PIK3C2G: variants seen among roughly 807,000 people sequenced by gnomAD.
PIK3C2G encodes phosphatidylinositol-4-phosphate 3-kinase catalytic subunit type 2 gamma.
A neutral mutation model predicts 181.1 loss-of-function variants in PIK3C2G; 168 were observed. The observed-to-expected ratio is 0.93, with a 90% confidence interval of 0.82 to 1.05. PIK3C2G has a LOEUF of 1.05. Among genes scored for constraint, PIK3C2G ranks in the 50% least tolerant of loss-of-function variants. The pLI, the probability that PIK3C2G is intolerant of heterozygous loss-of-function variation, is 0.00. For synonymous variants in PIK3C2G, 573 were observed against 592.2 expected (o/e 0.97, Z 0.47); for missense variants, 1,869 against 1,732.8 (o/e 1.08, Z -1.40).
chr12:18,363,949 A>G (rs1941456605), intron 12 of PIK3C2G, among the ~76,000 whole-genome samples: 1 of 152,140 alleles, frequency 6.6e-6, no homozygotes, highest in African/African-American at 2.4e-5. Flanking sequence ...TATTCCTTTG[A>G]CCAAAGACCT....
chr12:18,588,144 A>G (rs183253406), intron 29 of PIK3C2G, among the ~76,000 whole-genome samples: 1 of 152,222 alleles, frequency 6.6e-6, no homozygotes, highest in Non-Finnish European at 1.5e-5. Context: ...AAACTATAAA[A>G]GCCCTAGAAG....
the PIK3C2G span, among the ~76,000 whole-genome samples, chr12:18,671,979 A>C: frequency 1.3e-5 from 2 of 152,150 alleles, no homozygotes; most frequent in Non-Finnish European, 2.9e-5. Context: ...TCAGGACACA[A>C]ATCCCATACA....
At position 18,503,704 on chromosome 12, in the gene PIK3C2G, T is replaced by C. The variant is rs531175415; in HGVS notation, c.3153+287T>C. ...ACACCAGAAACAATAACCCTTGAAA[T>C]TACCTCATTTAAGTAATCTACAACT... On this transcript the variant is annotated intron_variant, in intron 23 of 32. Transcript: ENST00000538779. Among the ~76,000 whole-genome samples, 4 of 152,282 alleles carry C rather than the reference T, an allele frequency of 2.6e-5. No individual in the cohort carries two copies. In the South Asian group the frequency reaches 8.3e-4, roughly 32 times the overall value.
At chr12:18,699,789 T>A in the PIK3C2G span, 12 of 1,612,650 alleles carry the variant, frequency 7.4e-6, 1 homozygote, top group Middle Eastern at 1.7e-4. Flanking sequence ...GTCACAAAAA[T>A]TTACCTCGCA....
intron 31 of PIK3C2G, among the ~76,000 whole-genome samples, chr12:18,610,875 T>C (rs1339168874): frequency 6.6e-6 from 1 of 152,138 alleles, no homozygotes; most frequent in East Asian, 1.9e-4. Context: ...AACATAGTCC[T>C]TTTAGAAATG....
At chr12:18,472,426 C>T (rs947663117) in intron 18 of PIK3C2G, among the ~76,000 whole-genome samples, 16 of 152,038 alleles carry the variant, frequency 1.1e-4, no homozygotes, top group Non-Finnish European at 1.9e-4. Context: ...AACTTGTCTG[C>T]TTATTCATTT....
chr12:18,363,506 C>T (rs1018819232), intron 12 of PIK3C2G, among the ~76,000 whole-genome samples: 1 of 152,166 alleles, frequency 6.6e-6, no homozygotes, highest in African/African-American at 2.4e-5. Flanking sequence ...CCAGGGGGCT[C>T]ATCAGCCTCA....
chr12:18,708,210 TTATC>T, the PIK3C2G span, among the ~76,000 whole-genome samples: 1 of 152,192 alleles, frequency 6.6e-6, no homozygotes, highest in African/African-American at 2.4e-5. Context: ...CACTGTTTGG[TTATC>T]TATCTCTGTA....
chr12:18,349,028 A>G (rs1227261130), intron 11 of PIK3C2G, among the ~76,000 whole-genome samples: 2 of 152,170 alleles, frequency 1.3e-5, no homozygotes, highest in Non-Finnish European at 2.9e-5. Flanking sequence ...AGAGTTTTCA[A>G]CAAATGTCCT....
intron 24 of PIK3C2G, among the ~76,000 whole-genome samples, chr12:18,531,917 T>C (rs986835422): frequency 1.3e-5 from 2 of 152,144 alleles, no homozygotes; most frequent in Non-Finnish European, 2.9e-5. Context: ...GGTTGTATGG[T>C]AGTTGTATCT....
chr12:18,467,025 T>A (rs1937955865), intron 18 of PIK3C2G, among the ~76,000 whole-genome samples: 1 of 152,086 alleles, frequency 6.6e-6, no homozygotes, highest in Non-Finnish European at 1.5e-5. Flanking sequence ...GCTATTTTTA[T>A]TGAGTTCACT....
In PIK3C2G at chr12:18,630,140, G is replaced by A. The variant is rs143570158; in HGVS notation, c.4183-10289G>A. Among the ~76,000 whole-genome samples the A allele has an allele frequency of 6.9e-3, 1,055 of 152,128 alleles. 9 individuals carry two copies. Among genetic ancestry groups the A allele is most frequent in the African/African-American group, 0.023 (967 of 41,518 alleles). On this transcript the variant is annotated intron_variant, in intron 31 of 32. Transcript: ENST00000538779. ...GAATAAGATGAAGGGGGCCAGGTGC[G>A]GTGGCTCATACCTATAATCCCAGGC... is the stretch of plus-strand genomic sequence containing the variant.
At chr12:18,322,390 A>T (rs556152442) in intron 7 of PIK3C2G, among the ~76,000 whole-genome samples, 163 of 151,716 alleles carry the variant, frequency 1.1e-3, no homozygotes, top group African/African-American at 3.3e-3. Flanking sequence ...TCAAAAAAAA[A>T]AATAATAATT....
intron 1 of PIK3C2G, among the ~76,000 whole-genome samples, chr12:18,268,444 C>T (rs1254676872): frequency 2.0e-5 from 3 of 151,982 alleles, no homozygotes; most frequent in African/African-American, 4.8e-5. Flanking sequence ...TATTATTTCC[C>T]GAAACCACAG....
At position 18,538,186 on chromosome 12, in the gene PIK3C2G, G is replaced by A. The variant is rs1331307565; in HGVS notation, c.3354G>A (p.Glu1118=). Residue 1118 remains glutamate (E), a synonymous_variant, in exon 25 of 33, where the codon GAG becomes GAA. Transcript: ENST00000538779. The stretch of plus-strand genomic sequence containing the variant: ...GAGCTCCTTTCATTTTTACTTCAGA[G>A]ATGGAATACTTTATTACAGAGGGTG... ...RDRAPFIFTS[E]MEYFITEGGK... 6.2e-6 allele frequency: 10 copies of A among 1,611,822 alleles called. No individual in the cohort carries two copies. The highest frequency in any genetic ancestry group is 1.1e-5 in the South Asian group (1 of 90,792).
At chr12:18,314,197 A>G (rs944101816) in intron 6 of PIK3C2G, 133 bp downstream of exon 6, 2 of 584,016 alleles carry the variant, frequency 3.4e-6, no homozygotes, top group African/African-American at 3.8e-5. Context: ...ATATTCATTG[A>G]AACATGATGA....
the PIK3C2G span, among the ~76,000 whole-genome samples, chr12:18,661,305 G>A: frequency 7.9e-5 from 12 of 151,786 alleles, no homozygotes; most frequent in East Asian, 1.2e-3. Context: ...GAAGTTTAAC[G>A]AACTCCAAAT....
In PIK3C2G at chr12:18,612,237, A is replaced by G. The variant is rs535997389; in HGVS notation, c.4182+2608A>G. 1.3e-4 allele frequency among the ~76,000 whole-genome samples: 20 copies of G among 152,130 alleles called. No homozygotes were observed. In the East Asian group the frequency reaches 2.7e-3, roughly 21 times the overall value. ...TAGAATGTTCTTCCCAAGCTCATGG[A>G]TCAATATTCTCTGTGGCTCAATCTC... is the stretch of plus-strand genomic sequence containing the variant. On this transcript the variant is annotated intron_variant, in intron 31 of 32. Coordinates refer to ENST00000538779, the MANE Select transcript of PIK3C2G (RefSeq NM_001288772.2).
intron 29 of PIK3C2G, among the ~76,000 whole-genome samples, chr12:18,585,399 C>T (rs1280556917): frequency 1.3e-5 from 2 of 151,482 alleles, no homozygotes; most frequent in Non-Finnish European, 2.9e-5. Flanking sequence ...ATCCTAATTT[C>T]CAACAAAACA....
Sources: gnomAD v4.1 joint callset for allele counts (sites outside exome capture counted in the v4.1 genomes callset) on GRCh38, gnomAD v4.1.1 for gene constraint, MANE v1.5 for transcripts, NCBI Gene and HGNC (gene_info 2026-07-23, HGNC 2026-07-21) for gene names.